ALDH8A1: variants seen among roughly 807,000 people sequenced by gnomAD.
ALDH8A1 encodes 2-aminomuconic semialdehyde dehydrogenase.
In ALDH8A1, 39 loss-of-function variants were observed where a neutral mutation model predicts 43.3. The observed-to-expected ratio is 0.90, with a 90% CI of 0.70 to 1.18. The LOEUF (loss-of-function observed/expected upper bound fraction) is 1.18. Ranked by LOEUF, ALDH8A1 falls within the 50% of genes most tolerant of loss-of-function variation. ALDH8A1 has a pLI of 0.00. For missense variants in ALDH8A1, 605 were observed against 622.6 expected, an observed-to-expected ratio of 0.97 and a Z score of 0.30; for synonymous variants, 233 against 243.5, an observed-to-expected ratio of 0.96 and a Z score of 0.40.
rs1181043761 is a variant in ALDH8A1 at position 134,924,121 on chromosome 6, C to T, written c.1011+4933G>A. Among the ~76,000 whole-genome samples, 3 of 152,098 alleles carry T rather than the reference C, an allele frequency of 2.0e-5. No homozygotes were observed. The East Asian group carries it at 5.8e-4, about 29-fold the overall frequency. On this transcript the variant is annotated intron_variant, in intron 6 of 6. Transcript: ENST00000265605. ...CAGATAAGAACTTGCTTGACAAAAT[C>T]CAAATAGGGAGCTGGGCTGAGGCAG... is the stretch of plus-strand genomic sequence containing the variant.
intron 4 of ALDH8A1, among the ~76,000 whole-genome samples, chr6:134,934,902 G>A (rs1773702090): frequency 6.6e-6 from 1 of 152,238 alleles, no homozygotes; most frequent in African/African-American, 2.4e-5. Flanking sequence ...GGTTGTTTGT[G>A]TTACTTGTAA....
chr6:134,946,832 A>G (rs1028666633), intron 1 of ALDH8A1, among the ~76,000 whole-genome samples: 5 of 99,534 alleles, frequency 5.0e-5, no homozygotes, highest in Non-Finnish European at 9.6e-5. Context: ...GCACATGCCC[A>G]TGGATCTAAG....
intron 5 of ALDH8A1, among the ~76,000 whole-genome samples, chr6:134,930,853 G>C (rs543635846): frequency 9.8e-5 from 15 of 152,322 alleles, no homozygotes; most frequent in African/African-American, 3.1e-4. Context: ...AGTATCATTC[G>C]TTGAGTGCCT....
intron 6 of ALDH8A1, among the ~76,000 whole-genome samples, chr6:134,923,957 T>A (rs1414569288): frequency 6.6e-6 from 1 of 152,196 alleles, no homozygotes; most frequent in Non-Finnish European, 1.5e-5. Context: ...CACGAGAATC[T>A]TCTTCCTGGG....
At chr6:134,930,150 G>A (rs1776958651) in intron 5 of ALDH8A1, among the ~76,000 whole-genome samples, 1 of 152,184 alleles carries the variant, frequency 6.6e-6, no homozygotes, top group Non-Finnish European at 1.5e-5. Flanking sequence ...AGGACCTGTC[G>A]ATGGAAAGAG....
At chr6:134,927,524 C>T (rs1210879498) in intron 6 of ALDH8A1, among the ~76,000 whole-genome samples, 1 of 152,158 alleles carries the variant, frequency 6.6e-6, no homozygotes. Context: ...CATGCACACA[C>T]ACACACACAG....
Position 134,942,433 on chromosome 6 carries a change from T to C in ALDH8A1, c.418A>G (p.Thr140Ala), listed in dbSNP as rs1773872804. ...QMDHLGCMHY[T>A]VRAPVGVAGL... ...CCGACTCCCACCGGGGCCCGCACCG[T>C]GTAGTGCATGCAGCCCAGGTGGTCC... is the stretch of plus-strand genomic sequence containing the variant. Residue 140 changes from threonine (T) to alanine (A), a missense_variant, in exon 3 of 7, where the codon ACG becomes GCG. Thr to Ala is a moderately conservative substitution (Grantham distance 58, BLOSUM62 0). Transcript: ENST00000265605. The C allele has an allele frequency of 1.2e-6, 2 of 1,613,938 alleles. No individual in the cohort carries two copies. Among genetic ancestry groups the C allele is most frequent in the Admixed American group, 1.7e-5 (1 of 59,996 alleles).
At chr6:134,924,952 T>C (rs1776860572) in intron 6 of ALDH8A1, among the ~76,000 whole-genome samples, 1 of 152,166 alleles carries the variant, frequency 6.6e-6, no homozygotes, top group South Asian at 2.1e-4. Flanking sequence ...ATAATAGAAA[T>C]ATCTTGGTAC....
chr6:134,927,510 C>T (rs538918167), intron 6 of ALDH8A1, among the ~76,000 whole-genome samples: 53 of 152,168 alleles, frequency 3.5e-4, no homozygotes, highest in Middle Eastern at 6.8e-3. Flanking sequence ...CACACACACG[C>T]GTGCATGCAC....
chr6:134,949,879 A>G (rs771279909), intron 1 of ALDH8A1, 37 bp downstream of exon 1: 1 of 1,526,278 alleles, frequency 6.6e-7, no homozygotes, highest in Admixed American at 2.0e-5. Flanking sequence ...CCAACATATT[A>G]AACACATTTC....
At chr6:134,927,551 T>A (rs2294318) in intron 6 of ALDH8A1, among the ~76,000 whole-genome samples, 24,128 of 152,068 alleles carry the variant, frequency 0.16, 2,988 homozygotes, top group African/African-American at 0.32. Context: ...ATCATTCAAC[T>A]GATACAGAAA....
chr6:134,930,561 T>C (rs1776968017), intron 5 of ALDH8A1, among the ~76,000 whole-genome samples: 1 of 152,262 alleles, frequency 6.6e-6, no homozygotes, highest in Admixed American at 6.5e-5. Context: ...TCTTGGTATT[T>C]GTACAAAGGT....
intron 6 of ALDH8A1, among the ~76,000 whole-genome samples, chr6:134,920,154 C>G (rs904792927): frequency 1.3e-5 from 2 of 152,154 alleles, no homozygotes; most frequent in African/African-American, 2.4e-5. Flanking sequence ...CTCAAGGGAT[C>G]CGCCCAAAGT....
At chr6:134,937,328 A>T (rs1470809071) in intron 4 of ALDH8A1, among the ~76,000 whole-genome samples, 1 of 152,180 alleles carries the variant, frequency 6.6e-6, no homozygotes, top group East Asian at 1.9e-4. Context: ...CGTTGCTCTA[A>T]AGCAGATGAC....
intron 5 of ALDH8A1, 27 bp downstream of exon 5, chr6:134,932,749 G>A (rs1777005623): frequency 6.2e-7 from 1 of 1,608,746 alleles, no homozygotes; most frequent in South Asian, 1.1e-5. Context: ...CCATGGAGGG[G>A]AGGGAGAAGA....
chr6:134,939,460 C>T, intron 3 of ALDH8A1, 45 bp from the exon 4 acceptor site: 5 of 1,589,844 alleles, frequency 3.1e-6, no homozygotes, highest in East Asian at 2.3e-5. Context: ...GCATACCCCT[C>T]TGAGGTGGAC....
At chr6:134,938,365 G>A (rs1773787747) in intron 4 of ALDH8A1, among the ~76,000 whole-genome samples, 3 of 152,212 alleles carry the variant, frequency 2.0e-5, no homozygotes, top group East Asian at 1.9e-4. Flanking sequence ...AACCAGGAGC[G>A]CATCCTGAAT....
chr6:134,918,506 C>A lies in ALDH8A1; in HGVS notation c.1373G>T (p.Gly458Val). ...ACCTATTCCAGAACTCTTCATCCCC[C>A]CGAAAGGAAGGTTCAGCTCCCTGAT... ...WLIRELNLPF[G>V]GMKSSGIGRE... The change falls in exon 7 of 7, where the codon GGG becomes GTG. Residue 458 changes from glycine to valine, a missense_variant. By Grantham distance (109) the Gly-to-Val change is moderately radical (BLOSUM62 -3). Coordinates refer to ENST00000265605, the MANE Select transcript of ALDH8A1 (RefSeq NM_022568.4). The A allele has an allele frequency of 6.2e-7, 1 of 1,614,168 alleles. No homozygotes were observed.
Position 134,932,937 on chromosome 6 carries a change from T to C in ALDH8A1, c.688A>G (p.Thr230Ala). 6.2e-7 allele frequency: 1 copy of C among 1,614,090 alleles called. No individual in the cohort carries two copies. Among genetic ancestry groups the C allele is most frequent in the Admixed American group, 1.7e-5 (1 of 60,018 alleles). ...CGCTCAGCGGTGGGCTGGCTCCCGG[T>C]GAAGGAGATCAGGGGCACCTCTGGG... ...SHPEVPLISFTGSQPTAERIT... is the reference protein window; with the variant it reads ...SHPEVPLISFAGSQPTAERIT... The change falls in exon 5 of 7, where the codon ACC becomes GCC. Residue 230 changes from threonine to alanine, a missense_variant. Transcript: ENST00000265605.
Sources: allele counts gnomAD v4.1 joint callset (sites outside exome capture counted in the v4.1 genomes callset), GRCh38; gene constraint gnomAD v4.1.1; transcripts MANE v1.5; gene names NCBI Gene and HGNC (gene_info 2026-07-23, HGNC 2026-07-21).